SPOCK3: variants seen among roughly 807,000 people sequenced by gnomAD.
SPOCK3 encodes testican-3.
Under a neutral mutation model 56.6 loss-of-function variants are expected in SPOCK3, and 30 were observed. The observed-to-expected ratio is 0.53, with a 90% confidence interval of 0.40 to 0.72. The LOEUF (loss-of-function observed/expected upper bound fraction) is 0.72. Ranked by LOEUF, SPOCK3 falls within the 30% of genes least tolerant of loss-of-function variation. The pLI is 0.00. For synonymous variants in SPOCK3, 196 were observed against 183.3 expected (o/e 1.07, Z -0.56); for missense variants, 527 against 530.0 (o/e 0.99, Z 0.06).
At chr4:167,036,757 TA>T (rs1446785404) in intron 3 of SPOCK3, among the ~76,000 whole-genome samples, 1 of 152,086 alleles carries the variant, frequency 6.6e-6, no homozygotes. Context: ...TATATTCTAA[TA>T]AAAATAAATA....
chr4:167,012,936 G>T (rs560479379), intron 3 of SPOCK3, among the ~76,000 whole-genome samples: 14 of 152,042 alleles, frequency 9.2e-5, no homozygotes, highest in African/African-American at 3.4e-4. Flanking sequence ...AGCATAGAAA[G>T]TAGAGGTAAT....
chr4:167,197,431 T>G (rs575175591), intron 2 of SPOCK3, among the ~76,000 whole-genome samples: 1 of 152,276 alleles, frequency 6.6e-6, no homozygotes, highest in Non-Finnish European at 1.5e-5. Flanking sequence ...GACGTGAAAT[T>G]TAGGCTATTA....
At chr4:167,098,539 G>T (rs926562631) in intron 2 of SPOCK3, among the ~76,000 whole-genome samples, 6 of 151,886 alleles carry the variant, frequency 4.0e-5, no homozygotes, top group African/African-American at 1.4e-4. Flanking sequence ...GCCCCACTTA[G>T]GAAAGTATTC....
intron 6 of SPOCK3, among the ~76,000 whole-genome samples, chr4:166,827,475 A>G (rs975127770): frequency 2.0e-5 from 3 of 152,070 alleles, no homozygotes; most frequent in African/African-American, 7.2e-5. Flanking sequence ...CATTTATTCA[A>G]CACTTACTGT....
chr4:167,182,594 T>C (rs147965388), intron 2 of SPOCK3, among the ~76,000 whole-genome samples: 73 of 152,066 alleles, frequency 4.8e-4, no homozygotes, highest in African/African-American at 1.6e-3. Flanking sequence ...GGCTGGAGTG[T>C]AGTGGTGCAA....
chr4:167,083,343 C>T, intron 2 of SPOCK3: 1 of 763,220 alleles, frequency 1.3e-6, no homozygotes, highest in Non-Finnish European at 2.4e-6. Flanking sequence ...CCACCATGTG[C>T]ATTCTCTCTT....
intron 2 of SPOCK3, among the ~76,000 whole-genome samples, chr4:167,122,353 T>C (rs1339497934): frequency 6.6e-6 from 1 of 152,164 alleles, no homozygotes; most frequent in East Asian, 1.9e-4. Context: ...TTTTGCCATG[T>C]TGCCCAAGCT....
intron 6 of SPOCK3, among the ~76,000 whole-genome samples, chr4:166,822,348 G>C (rs940825968): frequency 6.6e-6 from 1 of 152,014 alleles, no homozygotes; most frequent in East Asian, 1.9e-4. Context: ...TTGTCACACA[G>C]AGTCATTATG....
chr4:167,073,517 G>T (rs35472457), intron 2 of SPOCK3, among the ~76,000 whole-genome samples: 3,823 of 151,716 alleles, frequency 0.025, 80 homozygotes, highest in Middle Eastern at 0.06. Flanking sequence ...GCAAAAATAA[G>T]CTCTTTCATA....
intron 7 of SPOCK3, among the ~76,000 whole-genome samples, chr4:166,762,362 G>A (rs941100631): frequency 6.6e-5 from 10 of 152,118 alleles, no homozygotes; most frequent in African/African-American, 1.7e-4. Flanking sequence ...ATAAAGCAAT[G>A]TTGGTGTGAG....
chr4:166,976,570 G>C (rs1410911427), intron 4 of SPOCK3, among the ~76,000 whole-genome samples: 1 of 151,982 alleles, frequency 6.6e-6, no homozygotes, highest in Non-Finnish European at 1.5e-5. Flanking sequence ...TCTTTATTTA[G>C]GTTCTTCCAT....
chr4:166,909,734 T>C (rs1238486828), intron 5 of SPOCK3, among the ~76,000 whole-genome samples: 1 of 152,118 alleles, frequency 6.6e-6, no homozygotes, highest in East Asian at 1.9e-4. Flanking sequence ...CCTACTGAGC[T>C]TAGAATTTGG....
At chr4:167,054,238 A>G (rs1288089439) in intron 3 of SPOCK3, among the ~76,000 whole-genome samples, 1 of 152,252 alleles carries the variant, frequency 6.6e-6, no homozygotes, top group East Asian at 1.9e-4. Flanking sequence ...TTACTGATGT[A>G]TCCGTTACAC....
At chr4:167,230,220 A>G (rs1381035392) in intron 2 of SPOCK3, among the ~76,000 whole-genome samples, 3 of 151,926 alleles carry the variant, frequency 2.0e-5, no homozygotes, top group African/African-American at 4.8e-5. Flanking sequence ...TAAGTAATTC[A>G]TTGGTTCCAA....
chr4:166,948,652 T>G (rs191112360), intron 4 of SPOCK3, among the ~76,000 whole-genome samples: 4 of 152,304 alleles, frequency 2.6e-5, no homozygotes, highest in Non-Finnish European at 5.9e-5. Context: ...CTGTTGGCCA[T>G]TAATATGTCT....
intron 2 of SPOCK3, among the ~76,000 whole-genome samples, chr4:167,220,157 C>T (rs965115922): frequency 1.8e-4 from 27 of 151,932 alleles, no homozygotes; most frequent in African/African-American, 6.0e-4. Context: ...ATGTTGATTA[C>T]GTATGATAGT....
At chr4:166,941,383 G>A (rs544312504) in intron 4 of SPOCK3, among the ~76,000 whole-genome samples, 1 of 152,198 alleles carries the variant, frequency 6.6e-6, no homozygotes, top group Non-Finnish European at 1.5e-5. Flanking sequence ...CATTAGAAGA[G>A]AGTTTATCTC....
intron 3 of SPOCK3, among the ~76,000 whole-genome samples, chr4:167,044,883 C>T (rs1261875734): frequency 3.3e-5 from 5 of 152,082 alleles, no homozygotes; most frequent in Non-Finnish European, 7.4e-5. Context: ...AGGATGTTTA[C>T]TCTGCTGTTG....
chr4:166,952,791 C>T (rs1004493442), intron 4 of SPOCK3, among the ~76,000 whole-genome samples: 2 of 152,146 alleles, frequency 1.3e-5, no homozygotes, highest in African/African-American at 4.8e-5. Context: ...ATATCTACAA[C>T]TATCTGATCT....
Sources: allele counts gnomAD v4.1 joint callset (sites outside exome capture counted in the v4.1 genomes callset), GRCh38; gene constraint gnomAD v4.1.1; transcripts MANE v1.5; gene names NCBI Gene and HGNC (gene_info 2026-07-23, HGNC 2026-07-21).